Variants in NEK11 observed in about 807,000 individuals in gnomAD.
NEK11 encodes the protein NIMA related kinase 11.
Under a neutral mutation model 80.7 loss-of-function variants are expected in NEK11, and 72 were observed. The ratio of observed to expected loss-of-function variants is 0.89; its 90% CI spans 0.74 to 1.08. NEK11 has a LOEUF of 1.08. Among genes scored for constraint, NEK11 ranks in the 50% least tolerant of loss-of-function variants. The pLI is 0.00. For missense variants in NEK11, 764 were observed against 763.6 expected, an observed-to-expected ratio of 1.00 and a Z score of -0.01; for synonymous variants, 251 against 260.7, an observed-to-expected ratio of 0.96 and a Z score of 0.36.
At chr3:131,045,354 A>G (rs1003416905) in intron 3 of NEK11, among the ~76,000 whole-genome samples, 5 of 152,272 alleles carry the variant, frequency 3.3e-5, no homozygotes, top group African/African-American at 1.2e-4. Flanking sequence ...AGGTTTTGTC[A>G]CTATTATACT....
intron 17 of NEK11, among the ~76,000 whole-genome samples, chr3:131,308,034 G>T (rs955976367): frequency 6.6e-6 from 1 of 152,198 alleles, no homozygotes; most frequent in Non-Finnish European, 1.5e-5. Flanking sequence ...GGCAGATTTT[G>T]ATTTAAATTC....
At chr3:131,187,478 G>T (rs1006893471) in intron 14 of NEK11, among the ~76,000 whole-genome samples, 2 of 152,124 alleles carry the variant, frequency 1.3e-5, no homozygotes, top group Non-Finnish European at 2.9e-5. Context: ...TCATTTTCCA[G>T]TTCTTCCTTG....
chr3:131,099,494 T>C (rs1013123740), intron 4 of NEK11, among the ~76,000 whole-genome samples: 4 of 152,178 alleles, frequency 2.6e-5, no homozygotes, highest in African/African-American at 9.7e-5. Flanking sequence ...TTTTTTCTAA[T>C]TCTGTGAAGA....
chr3:131,304,969 C>G (rs2096707448), intron 17 of NEK11, among the ~76,000 whole-genome samples: 1 of 151,712 alleles, frequency 6.6e-6, no homozygotes, highest in Non-Finnish European at 1.5e-5. Flanking sequence ...GATGGCATGG[C>G]TGGGTGGGGT....
chr3:131,268,905 T>G (rs991395190), intron 16 of NEK11, among the ~76,000 whole-genome samples: 4 of 152,176 alleles, frequency 2.6e-5, no homozygotes, highest in African/African-American at 9.6e-5. Flanking sequence ...CCAGGGAGAT[T>G]GGGGTTTTAT....
chr3:131,056,539 A>T (rs1449312438), intron 3 of NEK11, among the ~76,000 whole-genome samples: 1 of 152,178 alleles, frequency 6.6e-6, no homozygotes, highest in African/African-American at 2.4e-5. Flanking sequence ...TCTGATGTTC[A>T]GTGACTAGTG....
chr3:131,240,792 C>T (rs938130820), intron 15 of NEK11, among the ~76,000 whole-genome samples: 2 of 152,164 alleles, frequency 1.3e-5, no homozygotes, highest in East Asian at 1.9e-4. Context: ...TTGAATCTTT[C>T]GTTATGACTA....
intron 3 of NEK11, among the ~76,000 whole-genome samples, chr3:131,075,979 A>G (rs759366349): frequency 6.6e-6 from 1 of 151,868 alleles, no homozygotes; most frequent in Non-Finnish European, 1.5e-5. Flanking sequence ...GTTTCTGATG[A>G]CACATATATT....
chr3:131,322,709 G>A (rs888242876), intron 17 of NEK11, among the ~76,000 whole-genome samples: 4 of 152,144 alleles, frequency 2.6e-5, no homozygotes, highest in Non-Finnish European at 5.9e-5. Flanking sequence ...CTGCTGGTGG[G>A]ATCACGTTTC....
intron 17 of NEK11, among the ~76,000 whole-genome samples, chr3:131,299,887 A>G (rs2096642318): frequency 6.6e-6 from 1 of 152,236 alleles, no homozygotes; most frequent in Non-Finnish European, 1.5e-5. Context: ...TTTTGGATAC[A>G]TACCCAATAA....
intron 7 of NEK11, among the ~76,000 whole-genome samples, chr3:131,142,927 G>T (rs1164148351): frequency 1.3e-5 from 2 of 152,170 alleles, no homozygotes; most frequent in Non-Finnish European, 2.9e-5. Flanking sequence ...GAGCTGGTAT[G>T]AACAGGAGAA....
intron 14 of NEK11, among the ~76,000 whole-genome samples, chr3:131,171,997 C>T (rs2092722354): frequency 1.3e-5 from 2 of 152,032 alleles, no homozygotes; most frequent in South Asian, 4.2e-4. Flanking sequence ...TAGAAAAAAC[C>T]AGGGGAACCA....
At chr3:131,182,140 GA>G (rs371262385) in intron 14 of NEK11, among the ~76,000 whole-genome samples, 29,122 of 121,536 alleles carry the variant, frequency 0.24, 3,282 homozygotes, top group African/African-American at 0.37. Context: ...CACATCTCCA[GA>G]AAAAAAAAAA....
At chr3:131,078,489 C>G (rs2074743410) in intron 3 of NEK11, among the ~76,000 whole-genome samples, 1 of 151,990 alleles carries the variant, frequency 6.6e-6, no homozygotes, top group Non-Finnish European at 1.5e-5. Context: ...TGTAGTCTCT[C>G]ACTGAGAAAT....
At chr3:131,222,561 C>T (rs1179194388) in intron 14 of NEK11, among the ~76,000 whole-genome samples, 1 of 152,202 alleles carries the variant, frequency 6.6e-6, no homozygotes, top group Non-Finnish European at 1.5e-5. Flanking sequence ...GTAACTCGAG[C>T]TCTTCTAAGG....
intron 14 of NEK11, among the ~76,000 whole-genome samples, chr3:131,176,992 A>T (rs1348772791): frequency 1.3e-5 from 2 of 152,224 alleles, no homozygotes; most frequent in African/African-American, 4.8e-5. Flanking sequence ...ATAAGTATCA[A>T]TCATAGCTTT....
intron 17 of NEK11, among the ~76,000 whole-genome samples, chr3:131,346,989 G>A (rs1223989095): frequency 2.0e-5 from 3 of 152,240 alleles, no homozygotes; most frequent in African/African-American, 7.2e-5. Flanking sequence ...GGAAGAAAGA[G>A]TGGGCTAGTC....
chr3:131,118,974 G>A (rs1034965061), intron 5 of NEK11, among the ~76,000 whole-genome samples: 4 of 152,048 alleles, frequency 2.6e-5, no homozygotes, highest in Non-Finnish European at 5.9e-5. Context: ...ATCTTCTTCA[G>A]TTCTGCTCTG....
chr3:131,339,397 GAA>G (rs2097251954), intron 17 of NEK11, among the ~76,000 whole-genome samples: 1 of 152,314 alleles, frequency 6.6e-6, no homozygotes, highest in South Asian at 2.1e-4. Context: ...TCTGAAAAGT[GAA>G]AGTCACTCAC....
Sources: gnomAD v4.1 joint callset for allele counts (sites outside exome capture counted in the v4.1 genomes callset) on GRCh38, gnomAD v4.1.1 for gene constraint, MANE v1.5 for transcripts, NCBI Gene and HGNC (gene_info 2026-07-23, HGNC 2026-07-21) for gene names.